Variants in GLB1 observed in about 807,000 individuals in gnomAD.
The protein encoded by GLB1 is beta-galactosidase.
Under a neutral mutation model 74.0 loss-of-function variants are expected in GLB1, and 56 were observed. The observed-to-expected ratio is 0.76, with a 90% confidence interval of 0.61 to 0.94. GLB1 has a LOEUF of 0.94. Ranked by LOEUF, GLB1 falls within the 40% of genes least tolerant of loss-of-function variation. GLB1 has a pLI of 0.00. For missense variants in GLB1, 787 were observed against 845.5 expected (o/e 0.93, Z 0.86); for synonymous variants, 323 against 323.6 (o/e 1.00, Z 0.02).
intron 6 of GLB1, among the ~76,000 whole-genome samples, chr3:33,056,353 T>A (rs1322440721): frequency 6.7e-6 from 1 of 150,336 alleles, no homozygotes; most frequent in Non-Finnish European, 1.5e-5. Flanking sequence ...GCCTTTTACC[T>A]CAGAGGGGAG....
chr3:33,093,151 T>C lies in GLB1; in HGVS notation c.75+3860A>G. On this transcript the variant is annotated intron_variant, in intron 1 of 15. Coordinates refer to ENST00000307363, the MANE Select transcript of GLB1 (RefSeq NM_000404.4). This position sits in a 1 kb window ranked among gnomAD's most constrained non-coding sequence, Gnocchi z 6.0. ...CCCTCCAGGGCCTTGTCAAGATCCA[T>C]GCCATGGCCAGAGTAGTGCAGGATG... 1 of 1,614,178 alleles carries C rather than the reference T, an allele frequency of 6.2e-7. No homozygotes were observed. Among genetic ancestry groups the C allele is most frequent in the South Asian group, 1.1e-5 (1 of 91,088 alleles).
At chr3:33,000,189 T>A (rs1696498165) in intron 15 of GLB1, among the ~76,000 whole-genome samples, 1 of 151,354 alleles carries the variant, frequency 6.6e-6, no homozygotes, top group East Asian at 2.0e-4. Context: ...TCCTCCCCCA[T>A]CAGCCTCCCA....
At chr3:33,012,160 C>T (rs1441153744) in intron 15 of GLB1, among the ~76,000 whole-genome samples, 1 of 152,170 alleles carries the variant, frequency 6.6e-6, no homozygotes, top group South Asian at 2.1e-4. Flanking sequence ...TTTCAACAAT[C>T]ATCTATACAA....
At chr3:33,007,403 G>T (rs1182791996) in intron 15 of GLB1, among the ~76,000 whole-genome samples, 3 of 152,144 alleles carry the variant, frequency 2.0e-5, no homozygotes, top group Non-Finnish European at 4.4e-5. Context: ...GGCAATCACA[G>T]ATCTTCCTGT....
chr3:32,976,543 T>G, the GLB1 span, among the ~76,000 whole-genome samples: 1 of 152,146 alleles, frequency 6.6e-6, no homozygotes, highest in Non-Finnish European at 1.5e-5. Flanking sequence ...TCCCAAAACC[T>G]GGGTGGGGAT....
the GLB1 span, among the ~76,000 whole-genome samples, chr3:32,970,877 C>G: frequency 6.6e-6 from 1 of 152,102 alleles, no homozygotes; most frequent in Admixed American, 6.5e-5. Context: ...CATATTAAAT[C>G]GGAGAGAGAA....
intron 1 of GLB1, among the ~76,000 whole-genome samples, chr3:33,079,899 T>C (rs899182966): frequency 2.0e-5 from 3 of 152,048 alleles, no homozygotes; most frequent in Admixed American, 1.3e-4. Context: ...CTCCCACCTC[T>C]GTTCCCAAGT....
chr3:33,006,412 A>T (rs1225375477), intron 15 of GLB1, among the ~76,000 whole-genome samples: 4 of 151,800 alleles, frequency 2.6e-5, no homozygotes, highest in Non-Finnish European at 5.9e-5. Flanking sequence ...TCCCAAAACC[A>T]TTTCCACCCC....
At chr3:33,096,850 G>A (rs1701054069) in intron 1 of GLB1, 161 bp downstream of exon 1, 7 of 1,394,406 alleles carry the variant, frequency 5.0e-6, no homozygotes, top group Non-Finnish European at 4.6e-6. Flanking sequence ...CGGGAAGGCC[G>A]GTCCACTGCC....
intron 9 of GLB1, among the ~76,000 whole-genome samples, chr3:33,047,550 C>A (rs1013381571): frequency 9.9e-5 from 15 of 152,212 alleles, no homozygotes; most frequent in African/African-American, 3.6e-4. Context: ...GAGCATATTG[C>A]AATGCAAGTG....
intron 10 of GLB1, 31 bp from the exon 11 acceptor site, chr3:33,024,356 G>GA (rs776526740): frequency 1.3e-6 from 2 of 1,595,098 alleles, no homozygotes; most frequent in Admixed American, 3.5e-5. Context: ...AGAGAGAAAA[G>GA]AAAAAAAGTT....
chr3:33,031,360 C>A (rs1297815176), intron 10 of GLB1, among the ~76,000 whole-genome samples: 3 of 151,918 alleles, frequency 2.0e-5, no homozygotes, highest in Non-Finnish European at 4.4e-5. Flanking sequence ...AAAGAGCCCA[C>A]TGGCTGGGTG....
chr3:33,085,623 C>T (rs904477355), intron 1 of GLB1, among the ~76,000 whole-genome samples: 1 of 151,778 alleles, frequency 6.6e-6, no homozygotes, highest in Admixed American at 6.6e-5. Flanking sequence ...CTAAAAGTAA[C>T]CAAAGCTGCT....
At chr3:33,025,371 A>AT (rs764407016) in intron 10 of GLB1, among the ~76,000 whole-genome samples, 1 of 152,228 alleles carries the variant, frequency 6.6e-6, no homozygotes, top group South Asian at 2.1e-4. Context: ...GCACACACAT[A>AT]TATGTGCATG....
intron 1 of GLB1, among the ~76,000 whole-genome samples, chr3:33,095,134 C>CCTAAAGAAATGTAAACAAGGAGATAA (rs1371800030): frequency 6.9e-6 from 1 of 144,980 alleles, no homozygotes; most frequent in East Asian, 2.1e-4. Context: ...TCACTTGAAC[C>CCTAAAGAAATGTAAACAAGGAGATAA]TGGGAGGTGG....
chr3:33,074,380 G>A (rs1559412907), intron 1 of GLB1, among the ~76,000 whole-genome samples: 1 of 127,746 alleles, frequency 7.8e-6, no homozygotes, highest in African/African-American at 2.8e-5. Context: ...AAGGAAGGAA[G>A]GAAGGAAGGA....
intron 10 of GLB1, among the ~76,000 whole-genome samples, chr3:33,024,839 C>T (rs967899836): frequency 2.0e-5 from 3 of 151,500 alleles, no homozygotes; most frequent in African/African-American, 2.4e-5. Context: ...ATTTAGAAAA[C>T]ACACACACAG....
At chr3:33,061,976 T>C (rs1699461691) in intron 5 of GLB1, among the ~76,000 whole-genome samples, 1 of 152,160 alleles carries the variant, frequency 6.6e-6, no homozygotes, top group African/African-American at 2.4e-5. Flanking sequence ...GGGCCCTAAA[T>C]GTTCTCAGAC....
At chr3:32,978,765 C>CTTTCTT in the GLB1 span, among the ~76,000 whole-genome samples, 1 of 126,072 alleles carries the variant, frequency 7.9e-6, no homozygotes, top group Non-Finnish European at 1.6e-5. Context: ...TTCTTTCTTT[C>CTTTCTT]TTTTTTTTTT....
Sources: allele counts gnomAD v4.1 joint callset (sites outside exome capture counted in the v4.1 genomes callset), GRCh38; gene constraint gnomAD v4.1.1; non-coding constraint Gnocchi (gnomAD v3.1); transcripts MANE v1.5; gene names NCBI Gene and HGNC (gene_info 2026-07-23, HGNC 2026-07-21).